Variants in CDH15 observed in about 807,000 individuals in gnomAD.
CDH15 encodes cadherin 15.
CDH15 carries 73 observed loss-of-function variants against 69.4 expected under a neutral mutation model. The ratio of observed to expected loss-of-function variants is 1.05; its 90% confidence interval spans 0.87 to 1.28. The LOEUF is 1.28. Among genes scored for constraint, CDH15 ranks in the 50% most tolerant of loss-of-function variants. CDH15 has a pLI of 0.00. For missense variants in CDH15, 1,343 were observed against 1,133.6 expected, an observed-to-expected ratio of 1.18 and a Z score of -2.65; for synonymous variants, 624 against 507.7, an observed-to-expected ratio of 1.23 and a Z score of -3.08.
At chr16:89,191,936 C>A in intron 10 of CDH15, 42 bp downstream of exon 10, 2 of 1,491,952 alleles carry the variant, frequency 1.3e-6, no homozygotes, top group Non-Finnish European at 1.8e-6. Context: ...TCCCCACGCT[C>A]CCCCCACCCC....
At chr16:89,177,188 C>T (rs914073433) in intron 1 of CDH15, among the ~76,000 whole-genome samples, 1 of 145,800 alleles carries the variant, frequency 6.9e-6, no homozygotes, top group Non-Finnish European at 1.5e-5. Context: ...CGGTGGGGGG[C>T]GGGAAGGGCC....
intron 9 of CDH15, 66 bp from the exon 10 acceptor site, chr16:89,191,587 GCT>G (rs2151604057): frequency 6.4e-7 from 1 of 1,572,510 alleles, no homozygotes; most frequent in Admixed American, 1.8e-5. Context: ...CTGCGCACCC[GCT>G]CTGAGCCGAC....
In CDH15 at chr16:89,195,223, T is replaced by G; in HGVS notation, c.*68T>G. 6.9e-7 allele frequency: 1 copy of G among 1,455,176 alleles called. No homozygotes were observed. The highest frequency in any genetic ancestry group is 9.1e-7 in the Non-Finnish European group (1 of 1,100,426). 90.1% of individuals were successfully genotyped at this position (1,455,176 alleles called of 1,614,324 possible). A position where few individuals can be genotyped will look rare whatever the true frequency, so the allele number is the denominator to read the frequency against. The stretch of plus-strand genomic sequence containing the variant: ...AGTGATGGCCCCTGCAGAGGCAGCC[T>G]GAGGTCACCGGGCCCGACCCCCCTG... On this transcript the variant is annotated 3_prime_UTR_variant, in exon 14 of 14. Transcript: ENST00000289746.
At position 89,190,563 on chromosome 16, in the gene CDH15, C is replaced by G. The variant is rs1201168623; in HGVS notation, c.1232+67C>G. 1.9e-6 allele frequency: 3 copies of G among 1,538,784 alleles called. No individual in the cohort carries two copies. In the African/African-American group the frequency reaches 4.1e-5, roughly 21 times the overall value. ...GGCCCCATTCCTGCTTCGGGTGCCCCTGATCCCTGGGCTCTGAGGGTCAGA... is the reference window on the plus strand; with the variant it reads ...GGCCCCATTCCTGCTTCGGGTGCCCGTGATCCCTGGGCTCTGAGGGTCAGA... On this transcript the variant is annotated intron_variant, in intron 8 of 13. Coordinates refer to ENST00000289746, the MANE Select transcript of CDH15 (RefSeq NM_004933.3).
At chr16:89,193,405 C>G (rs1396636419) in intron 11 of CDH15, 65 bp from the exon 12 acceptor site, 1 of 997,980 alleles carries the variant, frequency 1.0e-6, no homozygotes, top group Non-Finnish European at 1.4e-6. Flanking sequence ...CCACCTCCTT[C>G]GCAGCCCGGC....
intron 5 of CDH15, 85 bp downstream of exon 5, chr16:89,185,418 C>A: frequency 7.1e-7 from 1 of 1,410,818 alleles, no homozygotes; most frequent in African/African-American, 1.4e-5. Flanking sequence ...GCCTGCCCAC[C>A]CCAGACGCTC....
chr16:89,191,526 C>G, intron 9 of CDH15, 54 bp downstream of exon 9: 3 of 1,602,288 alleles, frequency 1.9e-6, no homozygotes, highest in Non-Finnish European at 1.7e-6. Flanking sequence ...CCCGGCTGAG[C>G]ACCCCTGCCA....
chr16:89,191,637 C>T lies in CDH15; in HGVS notation c.1376-18C>T, dbSNP rs528821639. ...CTGGGGTGTTGGGGTCACTAAGCCG[C>T]GGCCTCCTCGCCTGCAGCCTCCCAG... On this transcript the variant is annotated intron_variant, in intron 9 of 13. Coordinates refer to ENST00000289746, the MANE Select transcript of CDH15 (RefSeq NM_004933.3). 3.2e-6 allele frequency: 5 copies of T among 1,573,284 alleles called. No homozygotes were observed. Among genetic ancestry groups the T allele is most frequent in the East Asian group, 2.3e-5 (1 of 43,004 alleles).
intron 1 of CDH15, among the ~76,000 whole-genome samples, chr16:89,177,058 C>T (rs572019439): frequency 2.1e-3 from 327 of 152,280 alleles, no homozygotes; most frequent in Middle Eastern, 3.4e-3. Flanking sequence ...CCACCCCCAC[C>T]ACAACCCTGG....
intron 1 of CDH15, among the ~76,000 whole-genome samples, chr16:89,178,746 C>T (rs2151598640): frequency 6.6e-6 from 1 of 152,350 alleles, no homozygotes; most frequent in African/African-American, 2.4e-5. Context: ...TCTCCAGCTG[C>T]TCTTGATGGA....
In CDH15 at chr16:89,183,412, G is replaced by A. The variant is rs889705605; in HGVS notation, c.358-136G>A. The A allele has an allele frequency of 5.2e-5, 50 of 954,224 alleles. 1 individual carries two copies. In the South Asian group the frequency reaches 6.9e-4, roughly 13 times the overall value. 59.1% of individuals were successfully genotyped at this position (954,224 alleles called of 1,614,324 possible). A position where few individuals can be genotyped will look rare whatever the true frequency, so the allele number is the denominator to read the frequency against. ...CACTGTGACAGATGCCCCACCCTGTGCTGTTTCTCGCCTGTTTAAGCTGGT... is the reference window on the plus strand; with the variant it reads ...CACTGTGACAGATGCCCCACCCTGTACTGTTTCTCGCCTGTTTAAGCTGGT... On this transcript the variant is annotated intron_variant, in intron 3 of 13. Transcript: ENST00000289746.
At chr16:89,173,395 G>A (rs74033423) in intron 1 of CDH15, among the ~76,000 whole-genome samples, 2 of 152,146 alleles carry the variant, frequency 1.3e-5, no homozygotes, top group African/African-American at 4.8e-5. Context: ...TGTGGCAGGT[G>A]GGGAGGCAGG....
intron 8 of CDH15, 118 bp from the exon 9 acceptor site, chr16:89,191,212 A>C: frequency 8.7e-7 from 1 of 1,151,268 alleles, no homozygotes; most frequent in African/African-American, 1.5e-5. Flanking sequence ...GTGTGCATGC[A>C]TGTGGTATGT....
chr16:89,188,142 G>A lies in CDH15; in HGVS notation c.835G>A (p.Gly279Arg). ...AGAGGCCGTCAGCGGAGTGGATGTG[G>A]GACGCCTGGAAGTGGAGGACAGGGA... is the stretch of plus-strand genomic sequence containing the variant. ...AIEAVSGVDV[G>R]RLEVEDRDLP... The change falls in exon 7 of 14, where the codon GGA (glycine) becomes AGA (arginine). Residue 279 changes from glycine to arginine, a missense_variant. Physicochemically the swap from Gly to Arg is moderately radical, Grantham distance 125 (BLOSUM62 -2). Transcript: ENST00000289746. The A allele has an allele frequency of 6.2e-7, 1 of 1,613,308 alleles. No homozygotes were observed. The highest frequency in any genetic ancestry group is 8.5e-7 in the Non-Finnish European group (1 of 1,179,812).
chr16:89,181,390 T>A (rs1298254289), intron 3 of CDH15, among the ~76,000 whole-genome samples: 1 of 152,006 alleles, frequency 6.6e-6, no homozygotes, highest in Non-Finnish European at 1.5e-5. Context: ...GGCAGGAGGA[T>A]CGCTTGAAGC....
chr16:89,180,034 G>A (rs867929754), intron 2 of CDH15, among the ~76,000 whole-genome samples, 166 bp from the exon 3 acceptor site: 39 of 152,218 alleles, frequency 2.6e-4, no homozygotes, highest in African/African-American at 9.4e-4. Context: ...AGGCTGAGCT[G>A]TCCCCAGCCC....
chr16:89,171,988 G>C, intron 1 of CDH15, 115 bp downstream of exon 1: 2 of 1,165,364 alleles, frequency 1.7e-6, no homozygotes, highest in Non-Finnish European at 1.2e-6. Flanking sequence ...GTCGCCTTTG[G>C]GGGCCTGTGA....
chr16:89,172,538 GGGCCCAGCCCCC>G (rs1915178831), intron 1 of CDH15, among the ~76,000 whole-genome samples: 1 of 152,132 alleles, frequency 6.6e-6, no homozygotes, highest in Admixed American at 6.5e-5. Flanking sequence ...TCAGGCCTGG[GGGCCCAGCCCCC>G]AGAGGCTGCT....
In CDH15 at chr16:89,192,432, C is replaced by A; in HGVS notation, c.1843C>A (p.Leu615Ile). 6.4e-7 allele frequency: 1 copy of A among 1,557,252 alleles called. No individual in the cohort carries two copies. Among genetic ancestry groups the A allele is most frequent in the Non-Finnish European group, 8.6e-7 (1 of 1,158,982 alleles). ...ACTGGTCATCGTGCTGGCCAGCGCCCTCCTGCTGCTGGGTGAGTGAGCGCC... is the reference window on the plus strand; with the variant it reads ...ACTGGTCATCGTGCTGGCCAGCGCCATCCTGCTGCTGGGTGAGTGAGCGCC... ...GALVIVLASALLLLVLVLLVA... is the reference protein window; with the variant it reads ...GALVIVLASAILLLVLVLLVA... The change falls in exon 11 of 14, where the codon CTC becomes ATC. Residue 615 changes from leucine (L) to isoleucine (I), a missense_variant. Coordinates refer to ENST00000289746, the MANE Select transcript of CDH15 (RefSeq NM_004933.3).
Sources: allele counts gnomAD v4.1 joint callset (sites outside exome capture counted in the v4.1 genomes callset), GRCh38; gene constraint gnomAD v4.1.1; transcripts MANE v1.5; gene names NCBI Gene and HGNC (gene_info 2026-07-23, HGNC 2026-07-21).